IRAK3: variants seen among roughly 807,000 people sequenced by gnomAD.
IRAK3 encodes the protein interleukin 1 receptor associated kinase 3, also known as interleukin-1 receptor-associated kinase 3.
A neutral mutation model predicts 56.6 loss-of-function variants in IRAK3; 57 were observed. That is an observed-to-expected ratio of 1.01 (90% CI 0.81 to 1.26). IRAK3 has a LOEUF of 1.26. Among genes scored for constraint, IRAK3 ranks in the 50% most tolerant of loss-of-function variants. IRAK3 has a pLI of 0.00. For synonymous variants in IRAK3, 258 were observed against 255.7 expected, an observed-to-expected ratio of 1.01 and a Z score of -0.09; for missense variants, 703 against 719.0, an observed-to-expected ratio of 0.98 and a Z score of 0.25.
chr12:66,190,855 C>T (rs1017849507), intron 1 of IRAK3, among the ~76,000 whole-genome samples: 2 of 152,158 alleles, frequency 1.3e-5, no homozygotes, highest in African/African-American at 4.8e-5. Context: ...TCCTTAACCC[C>T]AGCTACTCTA....
rs1273308540 is a variant in IRAK3, at chr12:66,215,788, ACACACAC to A, written c.589-1382_589-1376del. 1.3e-3 allele frequency among the ~76,000 whole-genome samples: 174 copies of A among 131,688 alleles called. 2 individuals carry two copies. Among genetic ancestry groups the A allele is most frequent in the African/African-American group, 4.8e-3 (169 of 35,548 alleles). 86.4% of individuals were successfully genotyped at this position (131,688 alleles called of 152,430 possible). A position where few individuals can be genotyped will look rare whatever the true frequency, so the allele number is the denominator to read the frequency against. ...CGCCCCCTATTTTAACCCAACATGC[ACACACAC>A]ACACACACACACACACACACACACA... is the stretch of plus-strand genomic sequence containing the variant. On this transcript the variant is annotated intron_variant, in intron 5 of 11. Transcript: ENST00000261233.
chr12:66,236,701 C>T (rs2052912214), intron 8 of IRAK3, among the ~76,000 whole-genome samples: 1 of 152,174 alleles, frequency 6.6e-6, no homozygotes, highest in African/African-American at 2.4e-5. Flanking sequence ...AAGGTGACCT[C>T]TTGTTGCTGT....
intron 8 of IRAK3, among the ~76,000 whole-genome samples, chr12:66,239,128 T>C (rs929555908): frequency 4.6e-5 from 7 of 152,186 alleles, no homozygotes; most frequent in Non-Finnish European, 1.5e-5. Flanking sequence ...TCATTCCTGC[T>C]AATGTTTCCA....
chr12:66,196,115 A>G lies in IRAK3; in HGVS notation c.133+6683A>G, dbSNP rs144870070. Among the ~76,000 whole-genome samples, 399 of 152,180 alleles carry G rather than the reference A, an allele frequency of 2.6e-3. 2 individuals are homozygous for G. Among genetic ancestry groups the G allele is most frequent in the African/African-American group, 9.3e-3 (386 of 41,512 alleles). On this transcript the variant is annotated intron_variant, in intron 1 of 11. Coordinates refer to ENST00000261233, the MANE Select transcript of IRAK3 (RefSeq NM_007199.3). Reference sequence around the variant, plus strand: ...AAACTATATATATATGTAAACATATATATGTTTATTTGTTTATTCTTCATC... The same window carrying G: ...AAACTATATATATATGTAAACATATGTATGTTTATTTGTTTATTCTTCATC...
intron 6 of IRAK3, among the ~76,000 whole-genome samples, 169 bp from the exon 7 acceptor site, chr12:66,226,554 T>C (rs2052788295): frequency 6.6e-6 from 1 of 152,234 alleles, no homozygotes; most frequent in Admixed American, 6.5e-5. Flanking sequence ...TAGAACTCTT[T>C]AGACCAATTT....
Position 66,204,524 on chromosome 12 carries a change from T to C in IRAK3, c.316+631T>C, listed in dbSNP as rs142940755. Among the ~76,000 whole-genome samples the C allele has an allele frequency of 7.6e-3, 1,155 of 152,262 alleles. 21 individuals carry two copies. The highest frequency in any genetic ancestry group is 0.026 in the African/African-American group (1,077 of 41,556). ...ATTTAGAACAACATGATCAATAAAG[T>C]TCATGAAGTTTTCTCCATTTATTCT... On this transcript the variant is annotated intron_variant, in intron 2 of 11. Coordinates refer to ENST00000261233, the MANE Select transcript of IRAK3 (RefSeq NM_007199.3).
At chr12:66,194,571 T>C (rs1312784779) in intron 1 of IRAK3, among the ~76,000 whole-genome samples, 1 of 152,120 alleles carries the variant, frequency 6.6e-6, no homozygotes, top group Non-Finnish European at 1.5e-5. Flanking sequence ...TTCACGCCGG[T>C]AATCCCAGCA....
intron 1 of IRAK3, among the ~76,000 whole-genome samples, chr12:66,196,464 G>C (rs919964962): frequency 3.3e-5 from 5 of 152,076 alleles, no homozygotes; most frequent in African/African-American, 7.2e-5. Flanking sequence ...TATTCACCTG[G>C]GAATGAAATT....
intron 8 of IRAK3, among the ~76,000 whole-genome samples, chr12:66,243,452 T>C (rs2052993113): frequency 6.6e-6 from 1 of 152,184 alleles, no homozygotes; most frequent in East Asian, 1.9e-4. Context: ...ATTAGATGCT[T>C]TGGTTTCAGG....
chr12:66,213,455 T>C (rs2052633469), intron 5 of IRAK3, among the ~76,000 whole-genome samples: 1 of 152,002 alleles, frequency 6.6e-6, no homozygotes, highest in Non-Finnish European at 1.5e-5. Context: ...TAAAATATGG[T>C]GTCTGGGTGT....
At chr12:66,238,351 C>T (rs954763661) in intron 8 of IRAK3, among the ~76,000 whole-genome samples, 1 of 152,178 alleles carries the variant, frequency 6.6e-6, no homozygotes, top group Non-Finnish European at 1.5e-5. Context: ...TCCCAGCAAG[C>T]CTGAGTTCAG....
chr12:66,234,898 C>T lies in IRAK3; in HGVS notation c.887+6528C>T, dbSNP rs548565215. ...TAGGATCTTGTTCCTGTTGCTTTGC[C>T]ATTTGAGCTTGAACCCCACTGGCCT... On this transcript the variant is annotated intron_variant, in intron 8 of 11. Coordinates refer to ENST00000261233, the MANE Select transcript of IRAK3 (RefSeq NM_007199.3). 8 of 1,614,108 alleles carry T rather than the reference C, an allele frequency of 5.0e-6. No individual in the cohort carries two copies. In the African/African-American group the frequency reaches 1.1e-4, roughly 22 times the overall value.
chr12:66,206,195 A>AT (rs981581789), intron 2 of IRAK3, among the ~76,000 whole-genome samples: 3 of 152,004 alleles, frequency 2.0e-5, no homozygotes, highest in Non-Finnish European at 4.4e-5. Context: ...CAGATTTCAC[A>AT]TTTTTTTCTA....
At chr12:66,225,372 T>TAAAAATAAAAA (rs2052774942) in intron 6 of IRAK3, among the ~76,000 whole-genome samples, 1 of 151,452 alleles carries the variant, frequency 6.6e-6, no homozygotes, top group Non-Finnish European at 1.5e-5. Context: ...ATGTGTATTG[T>TAAAAATAAAAA]GTGTGTGTGT....
At chr12:66,215,573 A>G (rs2052661561) in intron 5 of IRAK3, among the ~76,000 whole-genome samples, 1 of 152,108 alleles carries the variant, frequency 6.6e-6, no homozygotes, top group South Asian at 2.1e-4. Flanking sequence ...TAGCTCAGTA[A>G]ATGTTTGCTG....
At chr12:66,213,332 A>G (rs1592585127) in intron 5 of IRAK3, among the ~76,000 whole-genome samples, 2 of 152,164 alleles carry the variant, frequency 1.3e-5, no homozygotes, top group African/African-American at 4.8e-5. Flanking sequence ...ACAATTCAAG[A>G]TGAATTTGGG....
chr12:66,245,634 T>C (rs1337210504), intron 11 of IRAK3, among the ~76,000 whole-genome samples: 1 of 142,540 alleles, frequency 7.0e-6, no homozygotes, highest in African/African-American at 2.7e-5. Context: ...CCAGTTCAAG[T>C]GATTCTACTG....
At chr12:66,233,551 A>C (rs1369519165) in intron 8 of IRAK3, among the ~76,000 whole-genome samples, 1 of 151,894 alleles carries the variant, frequency 6.6e-6, no homozygotes, top group Non-Finnish European at 1.5e-5. Context: ...CTAAGAAGAG[A>C]GACACTGACG....
At chr12:66,238,644 C>T (rs1046799136) in intron 8 of IRAK3, among the ~76,000 whole-genome samples, 1 of 152,106 alleles carries the variant, frequency 6.6e-6, no homozygotes, top group Non-Finnish European at 1.5e-5. Context: ...AAGCAAGAGG[C>T]ATTGAAGAGG....
Sources: gnomAD v4.1 joint callset for allele counts (sites outside exome capture counted in the v4.1 genomes callset) on GRCh38, gnomAD v4.1.1 for gene constraint, MANE v1.5 for transcripts, NCBI Gene and HGNC (gene_info 2026-07-23, HGNC 2026-07-21) for gene names.